The following GSE1 variants were observed in gnomAD, a reference collection of about 807,000 sequenced individuals.
GSE1 encodes the protein Gse1 coiled-coil protein.
Under a neutral mutation model 112.6 loss-of-function variants are expected in GSE1, and 32 were observed. That is an observed-to-expected ratio of 0.28 (90% confidence interval 0.21 to 0.38). GSE1 has a LOEUF of 0.38. Ranked by LOEUF, GSE1 falls within the 10% of genes least tolerant of loss-of-function variation. GSE1 has a pLI of 1.00. For missense variants in GSE1, 2,348 were observed against 1,699.2 expected, an observed-to-expected ratio of 1.38 and a Z score of -6.71; for synonymous variants, 1,115 against 735.6, an observed-to-expected ratio of 1.52 and a Z score of -8.35.
intron 1 of GSE1, among the ~76,000 whole-genome samples, chr16:85,626,921 G>GA (rs2049118406): frequency 6.6e-6 from 1 of 151,970 alleles, no homozygotes; most frequent in East Asian, 1.9e-4. Context: ...TTGGACAGCA[G>GA]GCAGACCGGT....
chr16:85,284,281 A>G (rs2044948691), intron 1 of GSE1, among the ~76,000 whole-genome samples: 1 of 152,254 alleles, frequency 6.6e-6, no homozygotes, highest in Admixed American at 6.5e-5. Flanking sequence ...AGAACATGAC[A>G]GCAGAGAAGG....
At chr16:85,169,800 C>T (rs2074329072) in exon 1 of GSE1, 14 of 984,202 alleles carry the variant, frequency 1.4e-5, no homozygotes, top group African/African-American at 1.8e-5. Context: ...TGTGCCGCTG[C>T]TTCCTGGGCG....
At chr16:85,647,668 C>G (rs1225179501) in intron 2 of GSE1, among the ~76,000 whole-genome samples, 1 of 152,144 alleles carries the variant, frequency 6.6e-6, no homozygotes, top group Admixed American at 6.5e-5. Context: ...CTCACCAGAA[C>G]CTCCGCCTCC....
chr16:85,365,719 A>G (rs1238158148), intron 2 of GSE1, among the ~76,000 whole-genome samples: 1 of 152,208 alleles, frequency 6.6e-6, no homozygotes, highest in East Asian at 1.9e-4. Context: ...GAAGGTTTAT[A>G]GTAGCCTACA....
At chr16:85,252,235 G>T (rs936448568) in intron 1 of GSE1, among the ~76,000 whole-genome samples, 1 of 152,148 alleles carries the variant, frequency 6.6e-6, no homozygotes, top group East Asian at 1.9e-4. Flanking sequence ...GGCGGCAGGA[G>T]GGGGCTGAGC....
At chr16:85,449,499 T>A (rs147190584) in intron 2 of GSE1, among the ~76,000 whole-genome samples, 25 of 152,240 alleles carry the variant, frequency 1.6e-4, no homozygotes, top group Admixed American at 4.6e-4. Flanking sequence ...CAGGGTCACC[T>A]GAGAATCCAA....
chr16:85,259,307 C>T (rs570055290), intron 1 of GSE1, among the ~76,000 whole-genome samples: 1 of 151,956 alleles, frequency 6.6e-6, no homozygotes, highest in East Asian at 1.9e-4. Context: ...TCCACCCTGG[C>T]CCACCCTGTG....
intron 1 of GSE1, among the ~76,000 whole-genome samples, chr16:85,214,275 C>T (rs1226930082): frequency 6.6e-6 from 1 of 152,222 alleles, no homozygotes; most frequent in Non-Finnish European, 1.5e-5. Context: ...CACCCAGAAC[C>T]TGTGAGTGTG....
At chr16:85,628,147 A>G (rs2049237958) in intron 1 of GSE1, among the ~76,000 whole-genome samples, 1 of 152,090 alleles carries the variant, frequency 6.6e-6, no homozygotes, top group Admixed American at 6.5e-5. Context: ...GCCTCAAGGG[A>G]GCTGCGCCCG....
intron 1 of GSE1, among the ~76,000 whole-genome samples, chr16:85,590,453 TTGTG>T (rs760521537): frequency 2.0e-4 from 29 of 146,854 alleles, no homozygotes; most frequent in Non-Finnish European, 2.3e-4. Context: ...GCATGTGTGA[TTGTG>T]TGAGCGTGTG....
intron 2 of GSE1, among the ~76,000 whole-genome samples, chr16:85,518,801 T>TA (rs2052040283): frequency 6.6e-6 from 1 of 152,118 alleles, no homozygotes; most frequent in South Asian, 2.1e-4. Context: ...GACCTATCCT[T>TA]ACGCAAGACT....
chr16:85,478,193 G>C (rs562163302), intron 2 of GSE1, among the ~76,000 whole-genome samples: 1 of 152,112 alleles, frequency 6.6e-6, no homozygotes, highest in Non-Finnish European at 1.5e-5. Flanking sequence ...GTGCAGCAGC[G>C]TGCGTCAGTA....
intron 1 of GSE1, among the ~76,000 whole-genome samples, chr16:85,200,844 C>G (rs1452297196): frequency 2.6e-5 from 4 of 152,166 alleles, no homozygotes; most frequent in African/African-American, 9.7e-5. Flanking sequence ...GTCACCAGAA[C>G]TTTGTCTTCT....
At chr16:85,608,281 C>G (rs1382725435), upstream of GSE1, among the ~76,000 whole-genome samples, 1 of 152,144 alleles carries the variant, frequency 6.6e-6, no homozygotes, top group African/African-American at 2.4e-5. Context: ...CCTTCCACCC[C>G]TCAGCTCTTC....
chr16:85,657,550 T>C lies in GSE1; in HGVS notation c.1586T>C (p.Met529Thr). The C allele has an allele frequency of 6.3e-7, 1 of 1,590,418 alleles. No individual in the cohort carries two copies. The highest frequency in any genetic ancestry group is 8.6e-7 in the Non-Finnish European group (1 of 1,167,520). ...CAGGTGCTGGAGCAGCACCTGGATATGGGCCGGCCCCCGGTGCCGGCGGAG... is the reference window on the plus strand; with the variant it reads ...CAGGTGCTGGAGCAGCACCTGGATACGGGCCGGCCCCCGGTGCCGGCGGAG... ...RQQVLEQHLD[M>T]GRPPVPAEAE... is the part of the protein sequence containing the mutation. The change falls in exon 8 of 16, where the codon ATG becomes ACG. Residue 529 changes from methionine (M) to threonine (T), a missense_variant. By Grantham distance (81) the Met-to-Thr change is moderately conservative (BLOSUM62 -1). Coordinates refer to ENST00000253458, the MANE Select transcript of GSE1 (RefSeq NM_014615.5).
intron 2 of GSE1, among the ~76,000 whole-genome samples, chr16:85,549,931 G>T (rs28671512): frequency 1.3e-5 from 2 of 152,022 alleles, no homozygotes; most frequent in Non-Finnish European, 2.9e-5. Context: ...AGATGACATC[G>T]TAGGAAAGCA....
chr16:85,274,286 G>C (rs1909142888), intron 1 of GSE1, among the ~76,000 whole-genome samples: 1 of 152,086 alleles, frequency 6.6e-6, no homozygotes, highest in South Asian at 2.1e-4. Flanking sequence ...TCGGGAGGCT[G>C]AGGCAGGAGA....
intron 2 of GSE1, among the ~76,000 whole-genome samples, chr16:85,517,438 A>G (rs1246594605): frequency 6.6e-6 from 1 of 152,170 alleles, no homozygotes; most frequent in Non-Finnish European, 1.5e-5. Context: ...GGAGACAGTA[A>G]CACATTAGTG....
intron 1 of GSE1, among the ~76,000 whole-genome samples, chr16:85,339,777 T>C (rs556425041): frequency 1.3e-5 from 2 of 152,280 alleles, no homozygotes; most frequent in Non-Finnish European, 2.9e-5. Flanking sequence ...GGACGGCGTC[T>C]GCATTTTCAT....
Sources: gnomAD v4.1 joint callset for allele counts (sites outside exome capture counted in the v4.1 genomes callset) on GRCh38, gnomAD v4.1.1 for gene constraint, MANE v1.5 for transcripts, NCBI Gene and HGNC (gene_info 2026-07-23, HGNC 2026-07-21) for gene names.